MAF: variants seen among roughly 807,000 people sequenced by gnomAD.
MAF encodes the protein MAF bZIP transcription factor.
MAF carries 10 observed loss-of-function variants against 22.0 expected under a neutral mutation model. The observed-to-expected ratio is 0.45, with a 90% CI of 0.28 to 0.77. The LOEUF (loss-of-function observed/expected upper bound fraction) is 0.77, where lower values mean the gene tolerates loss of function less well. Ranked by LOEUF, MAF falls within the 30% of genes least tolerant of loss-of-function variation. MAF has a pLI of 0.12. For missense variants in MAF, 544 were observed against 548.4 expected, an observed-to-expected ratio of 0.99 and a Z score of 0.08; for synonymous variants, 337 against 255.8, an observed-to-expected ratio of 1.32 and a Z score of -3.03.
At chr16:79,254,511 A>C in the MAF span, among the ~76,000 whole-genome samples, 1 of 152,206 alleles carries the variant, frequency 6.6e-6, no homozygotes, top group African/African-American at 2.4e-5. Context: ...ATTATATCTT[A>C]AATTACTTAT....
the MAF span, chr16:79,211,483 T>C: frequency 8.0e-7 from 1 of 1,246,712 alleles, no homozygotes; most frequent in Non-Finnish European, 1.1e-6. Flanking sequence ...CCCTTTGCTA[T>C]GCCAAGATCC....
the MAF span, chr16:79,211,975 G>GC: frequency 1.6e-5 from 25 of 1,526,124 alleles, no homozygotes; most frequent in East Asian, 1.2e-4. Flanking sequence ...GGAATTCCTG[G>GC]GGTAAAGTAT....
chr16:79,281,935 T>A, the MAF span, among the ~76,000 whole-genome samples: 1 of 152,128 alleles, frequency 6.6e-6, no homozygotes, highest in Non-Finnish European at 1.5e-5. Flanking sequence ...AGGATACTGA[T>A]CTGCAATCTC....
the MAF span, among the ~76,000 whole-genome samples, chr16:79,474,310 C>T: frequency 0.37 from 55,760 of 152,072 alleles, 11,853 homozygotes; most frequent in Middle Eastern, 0.49. Flanking sequence ...GTACTATTAC[C>T]ATTTATAAAA....
intron 1 of MAF, chr16:79,595,643 A>G: frequency 2.8e-6 from 3 of 1,057,922 alleles, no homozygotes; most frequent in South Asian, 4.6e-5. Context: ...TTTCCAAGGG[A>G]TCTTTAAGTC....
chr16:79,576,022 C>CCA, the MAF span, among the ~76,000 whole-genome samples: 1 of 151,930 alleles, frequency 6.6e-6, no homozygotes, highest in East Asian at 1.9e-4. Context: ...TGAGCCACTC[C>CCA]CACTATTAAT....
the MAF span, among the ~76,000 whole-genome samples, chr16:79,387,546 G>T: frequency 2.2e-4 from 34 of 152,116 alleles, no homozygotes; most frequent in African/African-American, 7.7e-4. Context: ...GTTGGGTAAG[G>T]CAATGGCGAC....
the MAF span, among the ~76,000 whole-genome samples, chr16:79,530,511 T>A: frequency 6.6e-6 from 1 of 152,200 alleles, no homozygotes. Flanking sequence ...AAATAAAAAA[T>A]CAGCATAAAA....
At chr16:79,568,531 C>T in the MAF span, among the ~76,000 whole-genome samples, 2 of 152,300 alleles carry the variant, frequency 1.3e-5, no homozygotes, top group Admixed American at 6.5e-5. Flanking sequence ...CAGGCATACA[C>T]TGAGGCTAGA....
chr16:79,322,639 T>G, the MAF span, among the ~76,000 whole-genome samples: 5 of 152,180 alleles, frequency 3.3e-5, no homozygotes, highest in East Asian at 9.7e-4. Flanking sequence ...CAAATAAATG[T>G]ACAATTGCAT....
At chr16:79,493,142 TG>T in the MAF span, among the ~76,000 whole-genome samples, 226 of 122,742 alleles carry the variant, frequency 1.8e-3, 1 homozygote, top group African/African-American at 0.011. Flanking sequence ...GTTTTTTTTT[TG>T]TTTTGTTTTG....
chr16:79,350,406 C>A, the MAF span, among the ~76,000 whole-genome samples: 1 of 152,214 alleles, frequency 6.6e-6, no homozygotes, highest in Non-Finnish European at 1.5e-5. Flanking sequence ...TGTGGACAAA[C>A]GAAATTCTAT....
chr16:79,320,187 C>G, the MAF span, among the ~76,000 whole-genome samples: 1 of 152,136 alleles, frequency 6.6e-6, no homozygotes, highest in East Asian at 1.9e-4. Context: ...ACAATGGAAA[C>G]CACTGAAAAG....
At chr16:79,578,309 G>C in the MAF span, among the ~76,000 whole-genome samples, 1 of 151,724 alleles carries the variant, frequency 6.6e-6, no homozygotes, top group Admixed American at 6.6e-5. Context: ...ATTTATACCA[G>C]GGACCCATTT....
chr16:79,358,594 AC>A, the MAF span, among the ~76,000 whole-genome samples: 1 of 152,214 alleles, frequency 6.6e-6, no homozygotes, highest in East Asian at 1.9e-4. Context: ...GCAGCTGCTC[AC>A]AAAATGTGAA....
At chr16:79,533,089 C>T in the MAF span, among the ~76,000 whole-genome samples, 1 of 152,146 alleles carries the variant, frequency 6.6e-6, no homozygotes, top group Non-Finnish European at 1.5e-5. Flanking sequence ...TCTCTTTTCT[C>T]TCTATATTTA....
chr16:79,355,869 G>A, the MAF span, among the ~76,000 whole-genome samples: 1 of 152,270 alleles, frequency 6.6e-6, no homozygotes, highest in South Asian at 2.1e-4. Context: ...TTCCCAGAGG[G>A]AGATGAGGCT....
chr16:79,418,400 G>A, the MAF span, among the ~76,000 whole-genome samples: 1 of 152,208 alleles, frequency 6.6e-6, no homozygotes, highest in Middle Eastern at 3.4e-3. Context: ...CGTTGGGGCT[G>A]GGGACGATTA....
At chr16:79,301,979 C>G in the MAF span, among the ~76,000 whole-genome samples, 1 of 152,228 alleles carries the variant, frequency 6.6e-6, no homozygotes, top group Non-Finnish European at 1.5e-5. Context: ...TATGCCGAAG[C>G]CTGATGGCTG....
Sources: allele counts gnomAD v4.1 joint callset (sites outside exome capture counted in the v4.1 genomes callset), GRCh38; gene constraint gnomAD v4.1.1; transcripts MANE v1.5; gene names NCBI Gene and HGNC (gene_info 2026-07-23, HGNC 2026-07-21).